ACBD6: variants seen among roughly 807,000 people sequenced by gnomAD.
ACBD6 encodes the protein acyl-CoA-binding domain-containing protein 6.
In ACBD6, 28 loss-of-function variants were observed where a neutral mutation model predicts 37.2. The ratio of observed to expected loss-of-function variants is 0.75; its 90% CI spans 0.56 to 1.03. The LOEUF (loss-of-function observed/expected upper bound fraction) is 1.03, where lower values mean the gene tolerates loss of function less well. Ranked by LOEUF, ACBD6 falls within the 50% of genes least tolerant of loss-of-function variation. ACBD6 has a pLI of 0.00. For synonymous variants in ACBD6, 113 were observed against 126.8 expected (o/e 0.89, Z 0.73); for missense variants, 340 against 337.4 (o/e 1.01, Z -0.06).
At chr1:180,283,606 C>T (rs1208923246), downstream of ACBD6, among the ~76,000 whole-genome samples, 1 of 152,090 alleles carries the variant, frequency 6.6e-6, no homozygotes, top group Admixed American at 6.5e-5. Flanking sequence ...GGAATAGTGT[C>T]CCCAGAAGTA....
intron 1 of ACBD6, among the ~76,000 whole-genome samples, chr1:180,499,342 T>C (rs981094342): frequency 9.2e-5 from 14 of 152,212 alleles, no homozygotes; most frequent in African/African-American, 3.4e-4. Context: ...CGGCCCAGTG[T>C]CATATATAAG....
chr1:180,487,540 G>A (rs996701850), intron 3 of ACBD6, among the ~76,000 whole-genome samples: 6 of 152,038 alleles, frequency 3.9e-5, no homozygotes, highest in African/African-American at 1.4e-4. Context: ...ATCGACTGTC[G>A]ACTGCTGCAG....
At chr1:180,284,261 T>C (rs1649400699), downstream of ACBD6, among the ~76,000 whole-genome samples, 1 of 152,148 alleles carries the variant, frequency 6.6e-6, no homozygotes, top group Admixed American at 6.6e-5. Context: ...GGTGAAGAAA[T>C]TGTGAATGAT....
intron 3 of ACBD6, among the ~76,000 whole-genome samples, chr1:180,462,010 C>T (rs537206457): frequency 6.6e-5 from 10 of 152,114 alleles, no homozygotes; most frequent in Non-Finnish European, 1.2e-4. Context: ...CTGAGGCAGG[C>T]GGATCACTTG....
chr1:180,396,758 C>T (rs183985246), intron 6 of ACBD6, among the ~76,000 whole-genome samples: 1 of 152,156 alleles, frequency 6.6e-6, no homozygotes, highest in East Asian at 1.9e-4. Flanking sequence ...TCACTTCATA[C>T]CCACTAAAAT....
intron 6 of ACBD6, among the ~76,000 whole-genome samples, chr1:180,394,099 G>C (rs1031910452): frequency 6.6e-6 from 1 of 152,096 alleles, no homozygotes; most frequent in Non-Finnish European, 1.5e-5. Flanking sequence ...AAACTGTTTT[G>C]TTGTTTTTTA....
Position 180,329,477 on chromosome 1 carries a change from T to G in ACBD6, c.664-14755A>C, listed in dbSNP as rs534828264. Among the ~76,000 whole-genome samples the G allele has an allele frequency of 2.6e-5, 4 of 152,332 alleles. No homozygotes were observed. In the East Asian group the frequency reaches 7.7e-4, roughly 29 times the overall value. ...ACAAGCAAGTTCCTCAAGCTGTGTC[T>G]AAAACTGGGAAACTGTCTCTGACTG... On this transcript the variant is annotated intron_variant, in intron 6 of 7. Transcript: ENST00000367595.
chr1:180,376,406 T>C (rs1653434760), intron 6 of ACBD6, among the ~76,000 whole-genome samples: 1 of 152,182 alleles, frequency 6.6e-6, no homozygotes. Flanking sequence ...CTGTTTGTAA[T>C]TGCAAAGCGT....
intron 3 of ACBD6, among the ~76,000 whole-genome samples, chr1:180,453,500 C>T (rs1226475064): frequency 1.3e-5 from 2 of 152,156 alleles, no homozygotes; most frequent in African/African-American, 2.4e-5. Flanking sequence ...ACAAGGATGC[C>T]CTCTCTCACC....
At chr1:180,470,946 T>C (rs1455933866) in intron 3 of ACBD6, among the ~76,000 whole-genome samples, 1 of 152,220 alleles carries the variant, frequency 6.6e-6, no homozygotes, top group East Asian at 1.9e-4. Flanking sequence ...ATGAAATAAA[T>C]CCGTCTCTTA....
intron 6 of ACBD6, among the ~76,000 whole-genome samples, chr1:180,396,975 T>C (rs1214691129): frequency 6.6e-6 from 1 of 152,126 alleles, no homozygotes; most frequent in East Asian, 1.9e-4. Flanking sequence ...CAACAGGTAT[T>C]CAAATAAAAA....
rs185023208 is a variant in ACBD6, at chr1:180,373,481, T to C, written c.663+24035A>G. Among the ~76,000 whole-genome samples, 224 of 152,312 alleles carry C rather than the reference T, an allele frequency of 1.5e-3. 4 individuals are homozygous for C. The highest frequency in any genetic ancestry group is 1.3e-4 in the Non-Finnish European group (9 of 68,014). ...ATGCACTTTTCCTATAGCTGGCTAA[T>C]GCATAAAATGCAGACAAATAGAATG... On this transcript the variant is annotated intron_variant, in intron 6 of 7. Coordinates refer to ENST00000367595, the MANE Select transcript of ACBD6 (RefSeq NM_032360.4).
intron 3 of ACBD6, among the ~76,000 whole-genome samples, chr1:180,432,342 C>CA (rs1250861333): frequency 6.6e-6 from 1 of 151,890 alleles, no homozygotes; most frequent in Non-Finnish European, 1.5e-5. Flanking sequence ...AGAAAATTTG[C>CA]AAAACACTTA....
At position 180,448,193 on chromosome 1, in the gene ACBD6, G is replaced by A. The variant is rs762734508; in HGVS notation, c.385-17931C>T. On this transcript the variant is annotated intron_variant, in intron 3 of 7. Transcript: ENST00000367595. ...TAAAATGGTATTAGTCTTTTGGAAA[G>A]TATATGGCAATCCTACCAAGACCCA... Among the ~76,000 whole-genome samples, 102 of 152,134 alleles carry A rather than the reference G, an allele frequency of 6.7e-4. 2 individuals carry two copies. The highest frequency in any genetic ancestry group is 2.4e-3 in the Admixed American group (36 of 15,276).
intron 4 of ACBD6, among the ~76,000 whole-genome samples, chr1:180,419,025 G>T (rs1026874392): frequency 6.6e-6 from 1 of 152,234 alleles, no homozygotes; most frequent in Admixed American, 6.5e-5. Flanking sequence ...GCCGAGGCGG[G>T]TGGATCACGA....
chr1:180,366,339 A>G (rs566982089), intron 6 of ACBD6, among the ~76,000 whole-genome samples: 15 of 152,200 alleles, frequency 9.9e-5, no homozygotes, highest in Non-Finnish European at 1.9e-4. Context: ...TAGCTTAGAC[A>G]TTTAGAAACC....
At chr1:180,394,859 G>GA (rs1325757376) in intron 6 of ACBD6, among the ~76,000 whole-genome samples, 1 of 152,196 alleles carries the variant, frequency 6.6e-6, no homozygotes, top group Non-Finnish European at 1.5e-5. Flanking sequence ...ACGAAATAAT[G>GA]AAAGTACTAG....
chr1:180,457,130 G>GA (rs1051294424), intron 3 of ACBD6, among the ~76,000 whole-genome samples: 49 of 152,164 alleles, frequency 3.2e-4, no homozygotes, highest in African/African-American at 1.1e-3. Flanking sequence ...ATCAAAAACT[G>GA]AAACAAGCCC....
At chr1:180,343,115 G>A (rs1183718331) in intron 6 of ACBD6, among the ~76,000 whole-genome samples, 6 of 149,610 alleles carry the variant, frequency 4.0e-5, no homozygotes, top group African/African-American at 1.2e-4. Flanking sequence ...GAAACATTAG[G>A]GTAAAATAAA....
Sources: gnomAD v4.1 joint callset for allele counts (sites outside exome capture counted in the v4.1 genomes callset) on GRCh38, gnomAD v4.1.1 for gene constraint, MANE v1.5 for transcripts, NCBI Gene and HGNC (gene_info 2026-07-23, HGNC 2026-07-21) for gene names.